Variants in SGCE observed in about 807,000 individuals in gnomAD.
The protein encoded by SGCE is sarcoglycan epsilon.
A neutral mutation model predicts 57.8 loss-of-function variants in SGCE; 26 were observed. The ratio of observed to expected loss-of-function variants is 0.45; its 90% CI spans 0.33 to 0.62. SGCE has a LOEUF of 0.62. SGCE is among the 20% of genes least tolerant of loss of function. The pLI is 0.02. For missense variants in SGCE, 468 were observed against 548.6 expected (o/e 0.85, Z 1.47); for synonymous variants, 183 against 189.5 (o/e 0.97, Z 0.28).
chr7:94,613,626 TTATAATGTGAAGAAAC>T (rs1289627291), intron 5 of SGCE, among the ~76,000 whole-genome samples: 3 of 152,206 alleles, frequency 2.0e-5, no homozygotes, highest in African/African-American at 7.2e-5. Context: ...GCCTTTACAT[TTATAATGTGAAGAAAC>T]AAGTAATGGT....
chr7:94,635,708 T>C lies in SGCE; in HGVS notation c.110-5867A>G, dbSNP rs1346755215. On this transcript the variant is annotated intron_variant, in intron 1 of 10. Coordinates refer to ENST00000648936, the MANE Select transcript of SGCE (RefSeq NM_003919.3). ...GAAATTTAATTATTAAGCCAGGTAA[T>C]TGCTGTAGAGAAATATTTTAAGAGA... Among the ~76,000 whole-genome samples the C allele has an allele frequency of 5.9e-5, 9 of 152,360 alleles. No homozygotes were observed. In the East Asian group the frequency reaches 1.5e-3, roughly 26 times the overall value.
At chr7:94,614,107 C>CAAAAAAAAAAAA (rs925650428) in intron 5 of SGCE, among the ~76,000 whole-genome samples, 31 of 94,806 alleles carry the variant, frequency 3.3e-4, no homozygotes, top group Admixed American at 4.2e-4. Context: ...AAATTGAAAT[C>CAAAAAAAAAAAA]AAAAAAAAAA....
intron 9 of SGCE, chr7:94,590,428 A>T (rs1472205546): frequency 6.6e-6 from 1 of 152,186 alleles, no homozygotes; most frequent in Non-Finnish European, 1.5e-5. Context: ...TATATTAAGA[A>T]TAAGAACCAT....
chr7:94,586,860 A>C, intron 10 of SGCE: 1 of 985,344 alleles, frequency 1.0e-6, no homozygotes, highest in African/African-American at 1.7e-5. Flanking sequence ...TAATTATAAA[A>C]AAAAATGCTA....
chr7:94,598,685 C>CA, intron 9 of SGCE, 90 bp downstream of exon 9: 1 of 954,452 alleles, frequency 1.0e-6, no homozygotes, highest in Non-Finnish European at 1.7e-6. Flanking sequence ...TATAAACAAA[C>CA]AAACACAACA....
rs368483794 is a variant in SGCE, at chr7:94,587,932, G to A, written c.1297+757C>T. On this transcript the variant is annotated intron_variant, in intron 10 of 10. Coordinates refer to ENST00000648936, the MANE Select transcript of SGCE (RefSeq NM_003919.3). ...TTAATAGTTTCCCTACCACAATGCC[G>A]CTATTCATACTCAGAATTCCACACC... 14 of 1,428,330 alleles carry A rather than the reference G, an allele frequency of 9.8e-6. No individual in the cohort carries two copies. In the East Asian group the frequency reaches 1.1e-4, roughly 12 times the overall value. The allele number at this position is 1,428,330 out of a possible 1,614,324, so 88.5% of individuals were successfully genotyped here. A position where few individuals can be genotyped will look rare whatever the true frequency, so the allele number is the denominator to read the frequency against.
intron 5 of SGCE, among the ~76,000 whole-genome samples, chr7:94,610,625 G>T (rs999771257): frequency 7.2e-5 from 11 of 151,930 alleles, no homozygotes; most frequent in Non-Finnish European, 1.6e-4. Context: ...GACACTAAAA[G>T]CTCCAGCAGT....
chr7:94,616,744 C>G (rs768745663), intron 5 of SGCE: 1 of 151,868 alleles, frequency 6.6e-6, no homozygotes, highest in South Asian at 2.1e-4. Context: ...TCATTTGCAG[C>G]GACAAACTTT....
chr7:94,632,696 TAG>T, intron 1 of SGCE, among the ~76,000 whole-genome samples: 1 of 152,236 alleles, frequency 6.6e-6, no homozygotes, highest in South Asian at 2.1e-4. Flanking sequence ...CACAACATTT[TAG>T]AGGAGTGCCC....
intron 5 of SGCE, among the ~76,000 whole-genome samples, chr7:94,605,642 C>G (rs1267411914): frequency 6.6e-6 from 1 of 151,708 alleles, no homozygotes; most frequent in African/African-American, 2.4e-5. Flanking sequence ...ATTACAAACT[C>G]TAAGACAATC....
At chr7:94,601,807 GCTTGTTGTCCAACACAGC>G (rs1799320603) in intron 6 of SGCE, among the ~76,000 whole-genome samples, 3 of 152,048 alleles carry the variant, frequency 2.0e-5, no homozygotes, top group Admixed American at 2.0e-4. Flanking sequence ...CACATTGGCG[GCTTGTTGTCCAACACAGC>G]CTTGTGCTTA....
At chr7:94,591,712 G>C (rs373088828) in intron 9 of SGCE, among the ~76,000 whole-genome samples, 1 of 152,054 alleles carries the variant, frequency 6.6e-6, no homozygotes, top group Non-Finnish European at 1.5e-5. Flanking sequence ...ATGCCCTGTC[G>C]TTTCTTTTCT....
chr7:94,587,691 A>G, intron 10 of SGCE: 3 of 1,532,258 alleles, frequency 2.0e-6, no homozygotes, highest in Non-Finnish European at 2.6e-6. Flanking sequence ...GTTAGCATTT[A>G]ATTAAAGCAA....
At chr7:94,650,178 AT>A (rs1807682097) in intron 1 of SGCE, among the ~76,000 whole-genome samples, 1 of 152,204 alleles carries the variant, frequency 6.6e-6, no homozygotes. Flanking sequence ...TGATAAAAAT[AT>A]TTTATTTTGC....
chr7:94,628,161 C>A (rs569337069), intron 3 of SGCE, 41 bp downstream of exon 3: 1 of 1,488,632 alleles, frequency 6.7e-7, no homozygotes, highest in Admixed American at 1.7e-5. Context: ...CACACACACA[C>A]ACATATATGT....
intron 5 of SGCE, chr7:94,617,616 A>T (rs1200064218): frequency 6.6e-6 from 1 of 152,098 alleles, no homozygotes; most frequent in Non-Finnish European, 1.5e-5. Context: ...TTATGTTTTC[A>T]TATAGAAAGC....
Position 94,588,688 on chromosome 7 carries a change from C to CCTGTAGT in SGCE, c.1291_1297dup (p.Gly433AspfsTer4). On this transcript the variant is annotated frameshift_variant and splice_region_variant. Transcript: ENST00000648936. LOFTEE classifies it high-confidence loss of function. ...ATTAATTTATTATTCTTAGCACTCA[C>CCTGTAGT]CTGTAGTCTGCTGTTGGGGAATCTG... 4 of 1,592,960 alleles carry CCTGTAGT rather than the reference C, an allele frequency of 2.5e-6. No homozygotes were observed. Among genetic ancestry groups the CCTGTAGT allele is most frequent in the Non-Finnish European group, 3.4e-6 (4 of 1,160,880 alleles).
intron 10 of SGCE, chr7:94,588,386 T>A: frequency 8.6e-7 from 1 of 1,165,906 alleles, no homozygotes. Flanking sequence ...GAATCTTTCA[T>A]ACCAAGGGGA....
At chr7:94,626,261 A>C (rs1803700331) in intron 3 of SGCE, 1 of 152,056 alleles carries the variant, frequency 6.6e-6, no homozygotes, top group Non-Finnish European at 1.5e-5. Context: ...ATGGTTGATA[A>C]ACAGACATTC....
Sources: allele counts gnomAD v4.1 joint callset (sites outside exome capture counted in the v4.1 genomes callset), GRCh38; gene constraint gnomAD v4.1.1; transcripts MANE v1.5; gene names NCBI Gene and HGNC (gene_info 2026-07-23, HGNC 2026-07-21).